Variants in ULK4 observed in about 807,000 individuals in gnomAD.
The protein encoded by ULK4 is inactive serine/threonine-protein kinase ULK4.
In ULK4, 133 loss-of-function variants were observed where a neutral mutation model predicts 160.6. The ratio of observed to expected loss-of-function variants is 0.83; its 90% CI spans 0.72 to 0.96. ULK4 has a LOEUF of 0.96. Among genes scored for constraint, ULK4 ranks in the 40% least tolerant of loss-of-function variants. ULK4 has a pLI of 0.00. For missense variants in ULK4, 1,580 were observed against 1,499.5 expected (o/e 1.05, Z -0.89); for synonymous variants, 534 against 539.8 (o/e 0.99, Z 0.15).
At chr3:41,620,104 A>C (rs1198426457) in intron 30 of ULK4, among the ~76,000 whole-genome samples, 1 of 152,176 alleles carries the variant, frequency 6.6e-6, no homozygotes, top group Non-Finnish European at 1.5e-5. Context: ...GAAGATCTGA[A>C]ATTGAGGGAG....
At chr3:41,484,665 G>A (rs553137555) in intron 32 of ULK4, among the ~76,000 whole-genome samples, 2 of 152,048 alleles carry the variant, frequency 1.3e-5, no homozygotes, top group Non-Finnish European at 2.9e-5. Flanking sequence ...TGTTAGCCAG[G>A]ATGGTCTTGA....
rs1369525440 is a variant in ULK4 at position 41,492,984 on chromosome 3, C to T, written c.3227-29731G>A. On this transcript the variant is annotated intron_variant, in intron 32 of 36. Transcript: ENST00000301831. ...ACTCCCACACAATAATAATGGGAGA[C>T]TTTAACACCCCACTGTCAACATTAG... Among the ~76,000 whole-genome samples the T allele has an allele frequency of 3.9e-4, 55 of 140,252 alleles. 1 individual carries two copies. The highest frequency in any genetic ancestry group is 1.5e-4 in the Admixed American group (2 of 13,414). 92.0% of individuals were successfully genotyped at this position (140,252 alleles called of 152,430 possible).
intron 32 of ULK4, among the ~76,000 whole-genome samples, chr3:41,512,546 A>C (rs1290382057): frequency 6.6e-6 from 1 of 152,124 alleles, no homozygotes; most frequent in Non-Finnish European, 1.5e-5. Flanking sequence ...TAAATAAAAC[A>C]CTTCAGAATA....
intron 1 of ULK4, among the ~76,000 whole-genome samples, chr3:41,955,146 C>T (rs1220405428): frequency 6.6e-6 from 1 of 152,108 alleles, no homozygotes; most frequent in African/African-American, 2.4e-5. Context: ...AAAAATTGGC[C>T]AGGTGTTGTG....
At chr3:41,738,684 C>A (rs73828241) in intron 22 of ULK4, among the ~76,000 whole-genome samples, 1 of 151,926 alleles carries the variant, frequency 6.6e-6, no homozygotes, top group Non-Finnish European at 1.5e-5. Context: ...GTTGGGACAT[C>A]CCTCCAGGTC....
chr3:41,932,322 G>A (rs912755638), intron 4 of ULK4, among the ~76,000 whole-genome samples: 1 of 152,212 alleles, frequency 6.6e-6, no homozygotes, highest in Non-Finnish European at 1.5e-5. Context: ...AACTCTCAGT[G>A]TCAGCTATAA....
intron 17 of ULK4, chr3:41,882,037 C>T: frequency 1.7e-6 from 1 of 593,162 alleles, no homozygotes; most frequent in South Asian, 2.0e-5. Flanking sequence ...ATCACATCAC[C>T]CAGGGTGACC....
intron 21 of ULK4, among the ~76,000 whole-genome samples, chr3:41,786,840 C>T (rs1000564490): frequency 2.0e-5 from 3 of 151,948 alleles, no homozygotes; most frequent in Non-Finnish European, 4.4e-5. Flanking sequence ...ATGACAGATA[C>T]ATGGAAAGAA....
intron 17 of ULK4, among the ~76,000 whole-genome samples, chr3:41,866,491 T>G (rs967622988): frequency 3.9e-5 from 6 of 152,208 alleles, no homozygotes; most frequent in African/African-American, 1.4e-4. Flanking sequence ...ATCCCTCGCA[T>G]GCGCAGTTCA....
intron 16 of ULK4, among the ~76,000 whole-genome samples, chr3:41,895,272 T>C (rs1396517622): frequency 6.6e-6 from 1 of 152,130 alleles, no homozygotes; most frequent in East Asian, 1.9e-4. Flanking sequence ...CAATAACAGT[T>C]AATAAAGTTT....
chr3:41,654,037 T>G (rs746781905), intron 30 of ULK4, among the ~76,000 whole-genome samples: 1 of 152,230 alleles, frequency 6.6e-6, no homozygotes, highest in Non-Finnish European at 1.5e-5. Flanking sequence ...TAAGAATTCA[T>G]GTGACCGTAA....
At chr3:41,909,633 T>C (rs1420349924) in intron 11 of ULK4, among the ~76,000 whole-genome samples, 5 of 151,896 alleles carry the variant, frequency 3.3e-5, no homozygotes, top group Non-Finnish European at 5.9e-5. Context: ...GAGAATCGCT[T>C]GAACCAGGGA....
Position 41,794,751 on chromosome 3 carries a change from A to G in ULK4, c.2011-4908T>C, listed in dbSNP as rs529126939. ...AAATAAATAAAGCTGCATTCATTAGAGGCGAGAGAGCAGAGTCAGGGAGGT... is the reference window on the plus strand; with the variant it reads ...AAATAAATAAAGCTGCATTCATTAGGGGCGAGAGAGCAGAGTCAGGGAGGT... On this transcript the variant is annotated intron_variant, in intron 20 of 36. Transcript: ENST00000301831. Among the ~76,000 whole-genome samples, 22 of 151,278 alleles carry G rather than the reference A, an allele frequency of 1.5e-4. No homozygotes were observed. In the East Asian group the frequency reaches 3.7e-3, roughly 25 times the overall value.
chr3:41,306,054 C>G (rs2079915572), intron 35 of ULK4, among the ~76,000 whole-genome samples: 1 of 149,904 alleles, frequency 6.7e-6, no homozygotes, highest in Non-Finnish European at 1.5e-5. Context: ...TGAGGAGCCT[C>G]TCCGCCCAGC....
rs1377485493 is a variant in ULK4 at position 41,859,572 on chromosome 3, C to G, written c.1657-23601G>C. On this transcript the variant is annotated intron_variant, in intron 17 of 36. Transcript: ENST00000301831. ...AGAACATGCTCATCACAGCGAAAGGCACCATGAGGCCATAATATGCATGGT... is the reference window on the plus strand; with the variant it reads ...AGAACATGCTCATCACAGCGAAAGGGACCATGAGGCCATAATATGCATGGT... 14 of 534,916 alleles carry G rather than the reference C, an allele frequency of 2.6e-5. No individual in the cohort carries two copies. The East Asian group carries it at 6.8e-4, about 26-fold the overall frequency. 33.1% of individuals were successfully genotyped at this position (534,916 alleles called of 1,614,324 possible).
intron 35 of ULK4, among the ~76,000 whole-genome samples, chr3:41,342,734 A>T (rs2080713123): frequency 6.6e-6 from 1 of 152,244 alleles, no homozygotes; most frequent in Non-Finnish European, 1.5e-5. Context: ...CGAAAACTTT[A>T]GGCCAATATC....
At chr3:41,553,812 C>T (rs1422944576) in intron 32 of ULK4, among the ~76,000 whole-genome samples, 1 of 151,878 alleles carries the variant, frequency 6.6e-6, no homozygotes, top group Admixed American at 6.6e-5. Flanking sequence ...AAGCATTTAT[C>T]CTTTGTGTTA....
intron 29 of ULK4, among the ~76,000 whole-genome samples, chr3:41,674,755 T>A (rs2035651703): frequency 1.3e-5 from 2 of 152,108 alleles, no homozygotes; most frequent in Non-Finnish European, 2.9e-5. Flanking sequence ...ATGACACGGA[T>A]TTGACACATC....
At chr3:41,961,042 G>A (rs980532004) in intron 1 of ULK4, among the ~76,000 whole-genome samples, 1 of 152,116 alleles carries the variant, frequency 6.6e-6, no homozygotes, top group Non-Finnish European at 1.5e-5. Context: ...TGCTTTCCCA[G>A]AAACCACAGT....
Sources: gnomAD v4.1 joint callset for allele counts (sites outside exome capture counted in the v4.1 genomes callset) on GRCh38, gnomAD v4.1.1 for gene constraint, MANE v1.5 for transcripts, NCBI Gene and HGNC (gene_info 2026-07-23, HGNC 2026-07-21) for gene names.